NTSR1: variants seen among roughly 807,000 people sequenced by gnomAD.
NTSR1 encodes neurotensin receptor type 1.
Under a neutral mutation model 31.2 loss-of-function variants are expected in NTSR1, and 29 were observed. The ratio of observed to expected loss-of-function variants is 0.93; its 90% CI spans 0.69 to 1.27. NTSR1 has a LOEUF of 1.27. Ranked by LOEUF, NTSR1 falls within the 50% of genes most tolerant of loss-of-function variation. The probability of loss-of-function intolerance (pLI) is 0.00; values close to 1 mark genes in which losing one functional copy is unlikely to be tolerated. For missense variants in NTSR1, 697 were observed against 595.4 expected, an observed-to-expected ratio of 1.17 and a Z score of -1.78; for synonymous variants, 282 against 269.9, an observed-to-expected ratio of 1.04 and a Z score of -0.44.
In NTSR1 at chr20:62,715,073, T is replaced by C. The variant is rs1988688461; in HGVS notation, c.714+5152T>C. On this transcript the variant is annotated intron_variant, in intron 1 of 3. Transcript: ENST00000370501. This position sits in a 1 kb window ranked among gnomAD's most constrained non-coding sequence, Gnocchi z 4.7. ...AAGATTGGTCTTAAGTCTGTAATCA[T>C]GGAAAGTGAGTGTTGATGACATTTT... Among the ~76,000 whole-genome samples the C allele has an allele frequency of 6.6e-6, 1 of 152,300 alleles. No homozygotes were observed.
intron 1 of NTSR1, among the ~76,000 whole-genome samples, chr20:62,737,636 G>A (rs758997060): frequency 1.4e-4 from 22 of 151,998 alleles, no homozygotes; most frequent in African/African-American, 5.1e-4. Context: ...TGGGCGCTGC[G>A]ATCCTCCTTC....
chr20:62,748,575 A>G (rs560059091), intron 1 of NTSR1, among the ~76,000 whole-genome samples: 45 of 152,338 alleles, frequency 3.0e-4, no homozygotes, highest in African/African-American at 9.6e-4. Context: ...CTAGTACCAC[A>G]TAGACCCACG....
intron 1 of NTSR1, among the ~76,000 whole-genome samples, chr20:62,749,944 C>A (rs1226389425): frequency 3.3e-5 from 5 of 152,178 alleles, no homozygotes; most frequent in Non-Finnish European, 2.9e-5. Context: ...AATCCCACTT[C>A]TGGGTATTTA....
intron 1 of NTSR1, among the ~76,000 whole-genome samples, chr20:62,728,101 C>G (rs1210850098): frequency 2.0e-5 from 2 of 101,626 alleles, no homozygotes; most frequent in Admixed American, 1.8e-4. Context: ...ACCACAAGGA[C>G]GAGCCTTGTG....
At chr20:62,710,016 C>T (rs939016345) in intron 1 of NTSR1, 95 bp downstream of exon 1, 1 of 1,064,754 alleles carries the variant, frequency 9.4e-7, no homozygotes, top group African/African-American at 1.6e-5. Flanking sequence ...GGAGAGATGT[C>T]ACAGAGACAG....
rs3746780 is a variant in NTSR1, at chr20:62,709,934, A to T, written c.714+13A>T. The T allele has an allele frequency of 6.4e-7, 1 of 1,563,242 alleles. No homozygotes were observed. The highest frequency in any genetic ancestry group is 8.7e-7 in the Non-Finnish European group (1 of 1,150,242). ...GGTCGTCATACAGGTGAGCCTCAGTAACCAGCCCCGGGGCTCCCCTCTCCT... is the reference window on the plus strand; with the variant it reads ...GGTCGTCATACAGGTGAGCCTCAGTTACCAGCCCCGGGGCTCCCCTCTCCT... On this transcript the variant is annotated intron_variant, in intron 1 of 3. Transcript: ENST00000370501.
chr20:62,720,945 T>G (rs898158918), intron 1 of NTSR1, among the ~76,000 whole-genome samples: 1 of 152,218 alleles, frequency 6.6e-6, no homozygotes, highest in Non-Finnish European at 1.5e-5. Flanking sequence ...TTTCCAGATA[T>G]TACTTTTTTA....
At position 62,760,931 on chromosome 20, in the gene NTSR1, G is replaced by T. The variant is rs1989611750; in HGVS notation, c.*664G>T. On this transcript the variant is annotated 3_prime_UTR_variant, in exon 4 of 4. Coordinates refer to ENST00000370501, the MANE Select transcript of NTSR1 (RefSeq NM_002531.3). Reference sequence around the variant, plus strand: ...CCAGAGGGGACCACAAGCCCAAAAAGGACAAAAATGGGCTGGCCTGGAATG... The same window carrying T: ...CCAGAGGGGACCACAAGCCCAAAAATGACAAAAATGGGCTGGCCTGGAATG... 1 of 152,386 alleles carries T rather than the reference G, an allele frequency of 6.6e-6. No individual in the cohort carries two copies. Among genetic ancestry groups the T allele is most frequent in the Non-Finnish European group, 1.5e-5 (1 of 68,162 alleles). The allele number at this position is 152,386 out of a possible 1,614,324, so 9.4% of individuals were successfully genotyped here.
intron 1 of NTSR1, among the ~76,000 whole-genome samples, chr20:62,752,872 G>A (rs537355093): frequency 5.9e-4 from 90 of 152,142 alleles, no homozygotes; most frequent in East Asian, 2.3e-3. Context: ...GGTGGACTTC[G>A]GCCAGAGCAG....
intron 3 of NTSR1, among the ~76,000 whole-genome samples, chr20:62,759,389 G>C (rs1989569967): frequency 6.6e-6 from 1 of 152,196 alleles, no homozygotes; most frequent in South Asian, 2.1e-4. Context: ...GCCAAGCCCT[G>C]GACCCTTGGA....
Position 62,711,885 on chromosome 20 carries a change from G to A in NTSR1, c.714+1964G>A, listed in dbSNP as rs1419273918. Among the ~76,000 whole-genome samples, 2 of 152,226 alleles carry A rather than the reference G, an allele frequency of 1.3e-5. No homozygotes were observed. The highest frequency in any genetic ancestry group is 1.3e-4 in the Admixed American group (2 of 15,288). On this transcript the variant is annotated intron_variant, in intron 1 of 3. Transcript: ENST00000370501. This position sits in a 1 kb window ranked among gnomAD's most constrained non-coding sequence, Gnocchi z 6.4. ...ACGCTACGGCCGGCCACAGGCACTC[G>A]TCCAATCGCAGAGGCCTGTGACGTA...
At chr20:62,736,905 A>T (rs1019058908) in intron 1 of NTSR1, among the ~76,000 whole-genome samples, 1 of 152,030 alleles carries the variant, frequency 6.6e-6, no homozygotes, top group Admixed American at 6.5e-5. Context: ...ATCTCATGAG[A>T]TCTGATGGTT....
At chr20:62,717,940 G>A (rs1988761636) in intron 1 of NTSR1, among the ~76,000 whole-genome samples, 3 of 152,172 alleles carry the variant, frequency 2.0e-5, no homozygotes, top group African/African-American at 7.2e-5. Flanking sequence ...CACGGGGGGA[G>A]CGTGGGGGTG....
chr20:62,716,522 C>G (rs1423194115), intron 1 of NTSR1, among the ~76,000 whole-genome samples: 1 of 152,358 alleles, frequency 6.6e-6, no homozygotes, highest in South Asian at 2.1e-4. Context: ...GTCCCGCCTC[C>G]GTGAGTCTGT....
chr20:62,741,051 G>A lies in NTSR1; in HGVS notation c.715-13634G>A, dbSNP rs1989196540. Among the ~76,000 whole-genome samples, 1 of 152,230 alleles carries A rather than the reference G, an allele frequency of 6.6e-6. No homozygotes were observed. The highest frequency in any genetic ancestry group is 1.5e-5 in the Non-Finnish European group (1 of 68,034). On this transcript the variant is annotated intron_variant, in intron 1 of 3. Transcript: ENST00000370501. The surrounding 1 kb of genome is among the most constrained non-coding windows in gnomAD (Gnocchi z 4.3). ...GGGGAGGGCCGTTCCCGGGGCTGAG[G>A]GCCAGGGGCCTCCCCTCCTCCTGTC...
Position 62,732,201 on chromosome 20 carries a change from C to T in NTSR1, c.714+22280C>T, listed in dbSNP as rs1989012064. ...AAATCGGTAGTGTCCATCCTGTGAA[C>T]TCACAGTATGACGTTAAATAGGAGT... On this transcript the variant is annotated intron_variant, in intron 1 of 3. Coordinates refer to ENST00000370501, the MANE Select transcript of NTSR1 (RefSeq NM_002531.3). The surrounding 1 kb of genome is among the most constrained non-coding windows in gnomAD (Gnocchi z 4.0). Among the ~76,000 whole-genome samples the T allele has an allele frequency of 6.6e-6, 1 of 151,886 alleles. No homozygotes were observed. The highest frequency in any genetic ancestry group is 1.5e-5 in the Non-Finnish European group (1 of 67,988).
At chr20:62,710,058 G>C in intron 1 of NTSR1, 137 bp downstream of exon 1, 1 of 745,906 alleles carries the variant, frequency 1.3e-6, no homozygotes, top group Admixed American at 3.0e-5. Context: ...AGGCGGTTGG[G>C]GCAGCTTGGG....
At chr20:62,739,667 G>A (rs527633220) in intron 1 of NTSR1, among the ~76,000 whole-genome samples, 2 of 152,392 alleles carry the variant, frequency 1.3e-5, no homozygotes, top group Admixed American at 6.5e-5. Flanking sequence ...CACTGACACC[G>A]CTGAGATGCT....
chr20:62,709,367 C>T lies in NTSR1; in HGVS notation c.160C>T (p.Leu54=), dbSNP rs774784734. The T allele has an allele frequency of 5.0e-6, 8 of 1,609,320 alleles. No homozygotes were observed. Among genetic ancestry groups the T allele is most frequent in the Non-Finnish European group, 6.8e-6 (8 of 1,177,794 alleles). ...CGTCCTGGCGGCACCCAGCAGCGAG[C>T]TGGACGTGAACACCGACATCTACTC... ...ERVLAAPSSE[L]DVNTDIYSKV... is the part of the protein sequence containing the mutation. Residue 54 remains leucine (L), a synonymous_variant, in exon 1 of 4, where the codon CTG becomes TTG. Transcript: ENST00000370501.
Sources: allele counts gnomAD v4.1 joint callset (sites outside exome capture counted in the v4.1 genomes callset), GRCh38; gene constraint gnomAD v4.1.1; non-coding constraint Gnocchi (gnomAD v3.1); transcripts MANE v1.5; gene names NCBI Gene and HGNC (gene_info 2026-07-23, HGNC 2026-07-21).